Variants in FAM107B observed in about 807,000 individuals in gnomAD.
The protein encoded by FAM107B is protein FAM107B.
FAM107B carries 21 observed loss-of-function variants against 31.5 expected under a neutral mutation model. The observed-to-expected ratio is 0.67, with a 90% confidence interval of 0.47 to 0.96. FAM107B has a LOEUF of 0.96. Ranked by LOEUF, FAM107B falls within the 40% of genes least tolerant of loss-of-function variation. The pLI, the probability that FAM107B is intolerant of heterozygous loss-of-function variation, is 0.00. For missense variants in FAM107B, 452 were observed against 377.1 expected (o/e 1.20, Z -1.64); for synonymous variants, 157 against 141.5 (o/e 1.11, Z -0.78).
intron 2 of FAM107B, chr10:14,612,590 A>G: frequency 6.6e-6 from 1 of 152,212 alleles, no homozygotes; most frequent in East Asian, 1.9e-4. Context: ...TGCTTTTCTC[A>G]GCTCATTTCT....
rs542114634 is a variant in FAM107B, at chr10:14,725,379, C to A, written c.411+48874G>T. 2.0e-4 allele frequency among the ~76,000 whole-genome samples: 31 copies of A among 152,340 alleles called. No homozygotes were observed. In the South Asian group the frequency reaches 6.4e-3, roughly 32 times the overall value. On this transcript the variant is annotated intron_variant, in intron 1 of 4. Transcript: ENST00000181796. ...TGTAAACCACAGAATATCTTTAACT[C>A]TGGATTTCATGTTCAATCAAAGTGC...
chr10:14,703,037 C>A (rs1855437269), intron 1 of FAM107B, among the ~76,000 whole-genome samples: 1 of 144,074 alleles, frequency 6.9e-6, no homozygotes, highest in African/African-American at 2.4e-5. Flanking sequence ...ATTCCCCCAC[C>A]CATTCATTCT....
At chr10:14,699,455 G>A (rs551161697) in intron 1 of FAM107B, among the ~76,000 whole-genome samples, 12 of 152,146 alleles carry the variant, frequency 7.9e-5, no homozygotes, top group Non-Finnish European at 1.5e-4. Flanking sequence ...AAGCCCAAAG[G>A]CCGGAGAACC....
chr10:14,767,099 G>GAGAC (rs1438667429), intron 1 of FAM107B, among the ~76,000 whole-genome samples: 28 of 110,002 alleles, frequency 2.5e-4, no homozygotes, highest in Non-Finnish European at 4.7e-4. Flanking sequence ...GAGAGAGAGA[G>GAGAC]ACAGAGAGAG....
intron 2 of FAM107B, among the ~76,000 whole-genome samples, chr10:14,627,371 G>A (rs1853192214): frequency 6.6e-6 from 1 of 152,226 alleles, no homozygotes; most frequent in Non-Finnish European, 1.5e-5. Flanking sequence ...TAAACAGACA[G>A]GAGGAGATCA....
At chr10:14,611,481 G>A (rs1261023250) in intron 2 of FAM107B, among the ~76,000 whole-genome samples, 2 of 112,862 alleles carry the variant, frequency 1.8e-5, no homozygotes, top group South Asian at 6.1e-4. Context: ...TTGAATGCCA[G>A]TTTTATATAT....
chr10:14,711,200 T>A (rs1272630993), intron 1 of FAM107B, among the ~76,000 whole-genome samples: 1 of 152,160 alleles, frequency 6.6e-6, no homozygotes, highest in Non-Finnish European at 1.5e-5. Flanking sequence ...CGTGAGCCAC[T>A]GTGCCCGGCC....
intron 1 of FAM107B, among the ~76,000 whole-genome samples, chr10:14,746,928 C>T (rs939396058): frequency 1.3e-5 from 2 of 152,196 alleles, no homozygotes; most frequent in Middle Eastern, 3.2e-3. Context: ...TCAAGTACCC[C>T]AGTCAGTCGT....
chr10:14,671,687 A>G (rs910108464), intron 1 of FAM107B, among the ~76,000 whole-genome samples: 2 of 152,096 alleles, frequency 1.3e-5, no homozygotes, highest in Non-Finnish European at 2.9e-5. Context: ...TGCAGCTGCT[A>G]CTGTAGGCAC....
intron 2 of FAM107B, among the ~76,000 whole-genome samples, chr10:14,573,606 T>C: frequency 6.8e-6 from 1 of 147,582 alleles, no homozygotes; most frequent in East Asian, 2.0e-4. Context: ...TAGCAGGACA[T>C]GGTGGAATAT....
chr10:14,746,964 A>G (rs1173275824), intron 1 of FAM107B, among the ~76,000 whole-genome samples: 2 of 152,108 alleles, frequency 1.3e-5, no homozygotes, highest in African/African-American at 4.8e-5. Flanking sequence ...ACATAATCCC[A>G]TCATTCTTGG....
At chr10:14,639,706 G>A (rs762128368) in intron 2 of FAM107B, among the ~76,000 whole-genome samples, 8 of 152,124 alleles carry the variant, frequency 5.3e-5, no homozygotes, top group Admixed American at 3.9e-4. Context: ...TGGCTTCCAC[G>A]GAGCATAGAC....
intron 1 of FAM107B, among the ~76,000 whole-genome samples, chr10:14,715,748 G>A (rs192896843): frequency 6.6e-6 from 1 of 152,160 alleles, no homozygotes; most frequent in African/African-American, 2.4e-5. Context: ...AGCACTCCTT[G>A]TTCCCCAGCC....
chr10:14,730,767 G>C (rs772119879), intron 1 of FAM107B, among the ~76,000 whole-genome samples: 6 of 152,200 alleles, frequency 3.9e-5, no homozygotes, highest in Non-Finnish European at 7.3e-5. Flanking sequence ...AGCCTCCCCA[G>C]TTTGCCCAGG....
At chr10:14,750,882 T>C (rs1175328601) in intron 1 of FAM107B, among the ~76,000 whole-genome samples, 2 of 152,122 alleles carry the variant, frequency 1.3e-5, no homozygotes, top group Non-Finnish European at 2.9e-5. Flanking sequence ...AGTGGGGACC[T>C]GAAGGCTGTG....
intron 2 of FAM107B, among the ~76,000 whole-genome samples, chr10:14,552,839 T>C (rs1026361814): frequency 6.6e-6 from 1 of 152,118 alleles, no homozygotes; most frequent in African/African-American, 2.4e-5. Flanking sequence ...AAAGTCATTA[T>C]TTCACTTCGT....
chr10:14,762,503 A>G (rs1833070174), intron 1 of FAM107B, among the ~76,000 whole-genome samples: 1 of 152,028 alleles, frequency 6.6e-6, no homozygotes, highest in Non-Finnish European at 1.5e-5. Context: ...CCCTTTGCAA[A>G]ATGAAGTATA....
intron 1 of FAM107B, among the ~76,000 whole-genome samples, chr10:14,699,496 G>C (rs762203890): frequency 1.5e-4 from 23 of 152,156 alleles, no homozygotes; most frequent in Admixed American, 3.9e-4. Context: ...GCAGGTGAAA[G>C]TGGATGGGTC....
At chr10:14,632,402 G>C (rs1241270453) in intron 2 of FAM107B, among the ~76,000 whole-genome samples, 2 of 150,800 alleles carry the variant, frequency 1.3e-5, no homozygotes, top group Non-Finnish European at 2.9e-5. Context: ...ATGAGGTCAG[G>C]AGATCGAGAC....
Sources: gnomAD v4.1 joint callset for allele counts (sites outside exome capture counted in the v4.1 genomes callset) on GRCh38, gnomAD v4.1.1 for gene constraint, MANE v1.5 for transcripts, NCBI Gene and HGNC (gene_info 2026-07-23, HGNC 2026-07-21) for gene names.